MAST4: variants seen among roughly 807,000 people sequenced by gnomAD.
MAST4 encodes microtubule associated serine/threonine kinase family member 4.
MAST4 carries 89 observed loss-of-function variants against 162.7 expected under a neutral mutation model. The observed-to-expected ratio is 0.55, with a 90% CI of 0.46 to 0.65. The LOEUF (loss-of-function observed/expected upper bound fraction) is 0.65. Among genes scored for constraint, MAST4 ranks in the 30% least tolerant of loss-of-function variants. MAST4 has a pLI of 0.00. For synonymous variants in MAST4, 1,479 were observed against 1,361.1 expected (o/e 1.09, Z -1.91); for missense variants, 3,153 against 3,374.0 (o/e 0.93, Z 1.62).
At chr5:67,153,396 C>T in intron 25 of MAST4, 62 bp from the exon 26 acceptor site, 1 of 1,519,898 alleles carries the variant, frequency 6.6e-7, no homozygotes, top group Non-Finnish European at 8.8e-7. Context: ...TCCCAGAAGA[C>T]ACAGTAGGTG....
chr5:66,754,368 T>G (rs556066119), intron 1 of MAST4, among the ~76,000 whole-genome samples: 1 of 152,356 alleles, frequency 6.6e-6, no homozygotes, highest in Non-Finnish European at 1.5e-5. Flanking sequence ...ATGGAACAGA[T>G]TCTTTCAAAT....
At position 66,779,445 on chromosome 5, in the gene MAST4, G is replaced by T. The variant is rs186466747; in HGVS notation, c.518-9225G>T. ...GCTAGAATAGCAGTTCAATATAGGAGTCAGTGAACTTCTGCACTTTCTGGT... is the reference window on the plus strand; with the variant it reads ...GCTAGAATAGCAGTTCAATATAGGATTCAGTGAACTTCTGCACTTTCTGGT... On this transcript the variant is annotated intron_variant, in intron 2 of 28. Coordinates refer to ENST00000403625, the MANE Select transcript of MAST4 (RefSeq NM_001164664.2). Among the ~76,000 whole-genome samples, 4 of 146,538 alleles carry T rather than the reference G, an allele frequency of 2.7e-5. No individual in the cohort carries two copies. The East Asian group carries it at 6.0e-4, about 22-fold the overall frequency.
intron 1 of MAST4, among the ~76,000 whole-genome samples, chr5:66,743,346 G>A (rs1349115328): frequency 1.3e-5 from 2 of 152,220 alleles, no homozygotes; most frequent in African/African-American, 2.4e-5. Flanking sequence ...GTCTCTTGGG[G>A]ACTGGGAATC....
intron 10 of MAST4, among the ~76,000 whole-genome samples, chr5:67,109,578 G>C (rs764640486): frequency 2.6e-5 from 4 of 151,980 alleles, no homozygotes; most frequent in African/African-American, 4.8e-5. Context: ...GCTAACACTT[G>C]AAAAAAGCAT....
intron 4 of MAST4, among the ~76,000 whole-genome samples, chr5:66,918,424 A>G (rs79038531): frequency 0.037 from 5,673 of 152,254 alleles, 187 homozygotes; most frequent in East Asian, 0.11. Flanking sequence ...AGAAATTGTC[A>G]CACTTGAAAC....
At chr5:67,013,753 A>G (rs1357366378) in intron 4 of MAST4, among the ~76,000 whole-genome samples, 1 of 152,228 alleles carries the variant, frequency 6.6e-6, no homozygotes, top group African/African-American at 2.4e-5. Flanking sequence ...TTTAAAAAGT[A>G]TAAGTATAAA....
At chr5:66,976,162 T>A (rs1748124307) in intron 4 of MAST4, among the ~76,000 whole-genome samples, 1 of 152,218 alleles carries the variant, frequency 6.6e-6, no homozygotes, top group African/African-American at 2.4e-5. Context: ...GCATGTACCA[T>A]GTACATGTGG....
chr5:67,117,872 TTTAAC>T (rs1314595743), intron 12 of MAST4, among the ~76,000 whole-genome samples: 3 of 152,176 alleles, frequency 2.0e-5, no homozygotes, highest in African/African-American at 7.2e-5. Context: ...CTTTGTCTCT[TTTAAC>T]TAAATAGTCA....
At chr5:67,080,158 C>T (rs1265904297) in intron 5 of MAST4, among the ~76,000 whole-genome samples, 1 of 152,212 alleles carries the variant, frequency 6.6e-6, no homozygotes, top group African/African-American at 2.4e-5. Flanking sequence ...CTGCCAAGAT[C>T]ACTTGAAGGA....
chr5:67,147,561 G>A (rs966044537), intron 23 of MAST4, among the ~76,000 whole-genome samples: 5 of 152,166 alleles, frequency 3.3e-5, no homozygotes, highest in Non-Finnish European at 7.3e-5. Context: ...AAAAATAAAC[G>A]TCTTGAAGTC....
At chr5:66,958,986 T>A in intron 4 of MAST4, 1 of 412,072 alleles carries the variant, frequency 2.4e-6, no homozygotes, top group Non-Finnish European at 4.4e-6. Context: ...CAGAAACCAA[T>A]TACTTGATAT....
At chr5:66,742,808 A>G (rs1017179219) in intron 1 of MAST4, among the ~76,000 whole-genome samples, 1 of 152,202 alleles carries the variant, frequency 6.6e-6, no homozygotes. Flanking sequence ...TCTTGTCGTC[A>G]AGAACAAATA....
chr5:66,898,243 T>C (rs911351936), intron 3 of MAST4, among the ~76,000 whole-genome samples: 11 of 152,012 alleles, frequency 7.2e-5, no homozygotes, highest in Admixed American at 1.3e-4. Context: ...AACCCAGGAG[T>C]TTGAGATCAG....
Position 67,163,757 on chromosome 5 carries a change from C to T in MAST4, c.4578C>T (p.Asp1526=), listed in dbSNP as rs773772003. The change falls in exon 29 of 29, where the codon GAC becomes GAT. Residue 1526 remains aspartate, a synonymous_variant. Coordinates refer to ENST00000403625, the MANE Select transcript of MAST4 (RefSeq NM_001164664.2). The surrounding 1 kb of genome is among the most constrained non-coding windows in gnomAD (Gnocchi z 7.0). ...RKVGRQESVD[D]LDRDKLKAKV... is the part of the protein sequence containing the mutation. ...TGGGCCGCCAGGAGTCTGTGGACGA[C>T]CTGGACCGCGACAAGCTGAAGGCCA... 5 of 1,609,950 alleles carry T rather than the reference C, an allele frequency of 3.1e-6. No homozygotes were observed. The East Asian group carries it at 1.1e-4, about 36-fold the overall frequency.
intron 3 of MAST4, among the ~76,000 whole-genome samples, chr5:66,827,794 C>G (rs1240587161): frequency 6.6e-6 from 1 of 152,200 alleles, no homozygotes; most frequent in African/African-American, 2.4e-5. Flanking sequence ...GTATCTCTCT[C>G]AGGATCAAAC....
At chr5:66,628,096 A>G (rs906434068) in intron 1 of MAST4, among the ~76,000 whole-genome samples, 1 of 152,128 alleles carries the variant, frequency 6.6e-6, no homozygotes, top group African/African-American at 2.4e-5. Flanking sequence ...CAGTGGTGTA[A>G]TTATAGCTCA....
At chr5:66,617,803 T>G (rs1743798030) in intron 1 of MAST4, among the ~76,000 whole-genome samples, 1 of 152,144 alleles carries the variant, frequency 6.6e-6, no homozygotes, top group Non-Finnish European at 1.5e-5. Context: ...GAAAGGCCAG[T>G]GACCATTAAC....
intron 4 of MAST4, among the ~76,000 whole-genome samples, chr5:66,964,331 T>C (rs1382283348): frequency 6.6e-6 from 1 of 152,198 alleles, no homozygotes; most frequent in African/African-American, 2.4e-5. Context: ...TCTTACATTT[T>C]AGCATAGTTT....
intron 4 of MAST4, among the ~76,000 whole-genome samples, chr5:67,033,315 CTGTGTGTG>C (rs146627241): frequency 6.3e-5 from 8 of 125,990 alleles, no homozygotes; most frequent in Non-Finnish European, 9.6e-5. Flanking sequence ...TTTCATTTCT[CTGTGTGTG>C]TGTGTGTGTG....
Sources: allele counts gnomAD v4.1 joint callset (sites outside exome capture counted in the v4.1 genomes callset), GRCh38; gene constraint gnomAD v4.1.1; non-coding constraint Gnocchi (gnomAD v3.1); transcripts MANE v1.5; gene names NCBI Gene and HGNC (gene_info 2026-07-23, HGNC 2026-07-21).